The following MYO10 variants were observed in gnomAD, a reference collection of about 807,000 sequenced individuals.
MYO10 encodes myosin X.
Under a neutral mutation model 257.3 loss-of-function variants are expected in MYO10, and 133 were observed. That is an observed-to-expected ratio of 0.52 (90% CI 0.45 to 0.60). The LOEUF (loss-of-function observed/expected upper bound fraction) is 0.60, where lower values mean the gene tolerates loss of function less well. MYO10 is among the 20% of genes least tolerant of loss of function. MYO10 has a pLI of 0.00. For missense variants in MYO10, 2,399 were observed against 2,635.7 expected (o/e 0.91, Z 1.97); for synonymous variants, 1,104 against 1,028.6 (o/e 1.07, Z -1.40).
rs147060561 is a variant in MYO10, at chr5:16,876,478, T to G, written c.120+1131A>C. Among the ~76,000 whole-genome samples the G allele has an allele frequency of 4.4e-3, 677 of 152,320 alleles. 2 individuals are homozygous for G. The highest frequency in any genetic ancestry group is 0.015 in the African/African-American group (641 of 41,576). On this transcript the variant is annotated intron_variant, in intron 2 of 40. Coordinates refer to ENST00000513610, the MANE Select transcript of MYO10 (RefSeq NM_012334.3). The stretch of plus-strand genomic sequence containing the variant: ...CTCAGCTTCAGTGATTTAGTCAGTC[T>G]TCTTCTTACAGTGATCAGGACAACA...
At chr5:16,850,150 T>C (rs891013505) in intron 2 of MYO10, among the ~76,000 whole-genome samples, 1 of 152,252 alleles carries the variant, frequency 6.6e-6, no homozygotes, top group African/African-American at 2.4e-5. Context: ...TTGTCCACTG[T>C]GCCTGGAGAT....
chr5:16,723,228 C>CAA (rs58781411), intron 19 of MYO10, among the ~76,000 whole-genome samples: 2 of 147,942 alleles, frequency 1.4e-5, no homozygotes, highest in African/African-American at 4.9e-5. Flanking sequence ...ACTAAAAATA[C>CAA]AAAAAAAAAA....
At chr5:16,834,299 A>G (rs1401042192) in intron 2 of MYO10, among the ~76,000 whole-genome samples, 2 of 152,092 alleles carry the variant, frequency 1.3e-5, no homozygotes, top group Admixed American at 1.3e-4. Flanking sequence ...AATCAAGGAG[A>G]GAAACTTCCA....
At chr5:16,684,079 G>A (rs1464474812) in intron 29 of MYO10, 144 bp from the exon 30 acceptor site, 6 of 728,270 alleles carry the variant, frequency 8.2e-6, no homozygotes, top group South Asian at 3.5e-5. Context: ...TCTATGAGAC[G>A]ACTCCTCTGT....
At chr5:16,786,443 A>C (rs1263713333) in intron 4 of MYO10, among the ~76,000 whole-genome samples, 1 of 152,190 alleles carries the variant, frequency 6.6e-6, no homozygotes, top group Admixed American at 6.5e-5. Flanking sequence ...TGGGGACGAG[A>C]AGTGTTTCTG....
At chr5:16,822,134 T>TA (rs1205212975) in intron 2 of MYO10, among the ~76,000 whole-genome samples, 1 of 152,050 alleles carries the variant, frequency 6.6e-6, no homozygotes, top group Non-Finnish European at 1.5e-5. Context: ...CATTTAGAAA[T>TA]TTGGGGAGAG....
chr5:16,735,401 T>C (rs1424317042), intron 19 of MYO10, among the ~76,000 whole-genome samples: 1 of 152,064 alleles, frequency 6.6e-6, no homozygotes, highest in East Asian at 1.9e-4. Flanking sequence ...GTGGTGAATG[T>C]TGTTTAAAAA....
rs547102865 is a variant in MYO10 at position 16,869,966 on chromosome 5, GAAGC to G, written c.120+7639_120+7642del. Among the ~76,000 whole-genome samples, 222 of 151,040 alleles carry G rather than the reference GAAGC, an allele frequency of 1.5e-3. 1 individual carries two copies. Among genetic ancestry groups the G allele is most frequent in the Non-Finnish European group, 2.4e-3 (165 of 67,924 alleles). On this transcript the variant is annotated intron_variant, in intron 2 of 40. Coordinates refer to ENST00000513610, the MANE Select transcript of MYO10 (RefSeq NM_012334.3). ...GGGAGGGGAAAAAAGAAAAGGAAAG[GAAGC>G]AGGCAGGTGTGCCCTTTAGTGATCT...
At chr5:16,846,845 C>T (rs1296940685) in intron 2 of MYO10, among the ~76,000 whole-genome samples, 2 of 152,212 alleles carry the variant, frequency 1.3e-5, no homozygotes, top group East Asian at 1.9e-4. Flanking sequence ...AGGCCACGTG[C>T]GGTGGCTCAC....
At chr5:16,703,468 A>G (rs1192897394) in intron 22 of MYO10, among the ~76,000 whole-genome samples, 1 of 152,232 alleles carries the variant, frequency 6.6e-6, no homozygotes, top group Non-Finnish European at 1.5e-5. Context: ...AAGAGATCTG[A>G]TATATTCTCC....
At chr5:16,690,017 T>A in intron 27 of MYO10, 98 bp from the exon 28 acceptor site, 1 of 866,166 alleles carries the variant, frequency 1.2e-6, no homozygotes, top group Non-Finnish European at 1.9e-6. Flanking sequence ...AGTTGGGAAC[T>A]GTCTGTTACT....
rs1737026700 is a variant in MYO10, at chr5:16,681,979, C to T, written c.4081G>A (p.Val1361Met). 4.3e-6 allele frequency: 7 copies of T among 1,613,840 alleles called. No homozygotes were observed. The highest frequency in any genetic ancestry group is 5.9e-6 in the Non-Finnish European group (7 of 1,179,892). ...NSFVIITANR[V>M]LHCNADTPEE... ...GGCGTGTCGGCGTTGCAGTGCAGCA[C>T]CCGGTTGGCCGTGATGATCACAAAC... Residue 1361 changes from valine (V) to methionine (M), a missense_variant, in exon 31 of 41, where the codon GTG (valine) becomes ATG (methionine). Physicochemically the swap from Val to Met is conservative, Grantham distance 21. Transcript: ENST00000513610.
intron 23 of MYO10, among the ~76,000 whole-genome samples, 152 bp downstream of exon 23, chr5:16,702,773 C>T (rs1738142787): frequency 6.6e-6 from 1 of 152,090 alleles, no homozygotes; most frequent in Admixed American, 6.6e-5. Flanking sequence ...TTTAATGCTG[C>T]CAAGGAATTT....
In MYO10 at chr5:16,670,830, A is replaced by G. The variant is rs1393461052; in HGVS notation, c.5579T>C (p.Leu1860Pro). ...GGTTGACTGGCTGATGCGGGCCTTG[A>G]GTCTCTGCAGGGAATAAACCTCTTC... The part of the protein sequence containing the change: ...PLEEVYSLQR[L>P]KARISQSTKT... Residue 1860 changes from leucine to proline, a missense_variant, in exon 39 of 41, where the codon CTC becomes CCC. Physicochemically the swap from Leu to Pro is moderately conservative, Grantham distance 98 (BLOSUM62 -3). Around this residue, in one of 3 missense-constraint regions of MYO10, gnomAD observed 1,820 missense variants for 1,939.4 expected, o/e 0.94. Transcript: ENST00000513610. 5.0e-6 allele frequency: 8 copies of G among 1,613,854 alleles called. No homozygotes were observed. The highest frequency in any genetic ancestry group is 6.8e-6 in the Non-Finnish European group (8 of 1,179,884).
chr5:16,727,718 CTTTGA>C (rs1739425895), intron 19 of MYO10, among the ~76,000 whole-genome samples: 2 of 152,144 alleles, frequency 1.3e-5, no homozygotes, highest in Non-Finnish European at 2.9e-5. Flanking sequence ...AGGACATTAA[CTTTGA>C]TTTTTGTTTT....
chr5:16,724,326 A>G (rs1739271113), intron 19 of MYO10, among the ~76,000 whole-genome samples: 2 of 152,186 alleles, frequency 1.3e-5, no homozygotes, highest in Non-Finnish European at 2.9e-5. Context: ...AAACAAAAAA[A>G]TGAATGGCAG....
In MYO10 at chr5:16,902,376, C is replaced by T. The variant is rs1017462849; in HGVS notation, c.22-24669G>A. On this transcript the variant is annotated intron_variant, in intron 1 of 40. Coordinates refer to ENST00000513610, the MANE Select transcript of MYO10 (RefSeq NM_012334.3). ...GGGTGTTCGGTCCTTGCGGGCTTCA[C>T]GAGATCGATTCCTGACTACTTTGCT... 4.3e-5 allele frequency: 54 copies of T among 1,250,320 alleles called. No homozygotes were observed. In the African/African-American group the frequency reaches 5.1e-4, roughly 12 times the overall value. 77.5% of individuals were successfully genotyped at this position (1,250,320 alleles called of 1,614,324 possible).
chr5:16,752,709 T>C (rs1267083907), intron 19 of MYO10, among the ~76,000 whole-genome samples: 2 of 152,204 alleles, frequency 1.3e-5, no homozygotes, highest in Admixed American at 1.3e-4. Flanking sequence ...CCTGGGAGTC[T>C]ACATCAAGCA....
chr5:16,760,182 T>C (rs1740662886), intron 17 of MYO10, among the ~76,000 whole-genome samples: 1 of 151,534 alleles, frequency 6.6e-6, no homozygotes, highest in African/African-American at 2.4e-5. Flanking sequence ...CCGGGCATGG[T>C]GGCTCATGCC....
Sources: allele counts gnomAD v4.1 joint callset (sites outside exome capture counted in the v4.1 genomes callset), GRCh38; gene constraint gnomAD v4.1.1; regional missense constraint gnomAD v4.1.1; transcripts MANE v1.5; gene names NCBI Gene and HGNC (gene_info 2026-07-23, HGNC 2026-07-21).